AQR: variants seen among roughly 807,000 people sequenced by gnomAD.
The protein encoded by AQR is aquarius intron-binding spliceosomal factor, also known as RNA helicase aquarius.
In AQR, 61 loss-of-function variants were observed where a neutral mutation model predicts 180.5. The ratio of observed to expected loss-of-function variants is 0.34; its 90% CI spans 0.28 to 0.42. The LOEUF (loss-of-function observed/expected upper bound fraction) is 0.42, where lower values mean the gene tolerates loss of function less well. AQR is among the 10% of genes least tolerant of loss of function. The pLI, the probability that AQR is intolerant of heterozygous loss-of-function variation, is 1.00. For synonymous variants in AQR, 551 were observed against 588.8 expected, an observed-to-expected ratio of 0.94 and a Z score of 0.93; for missense variants, 1,281 against 1,798.3, an observed-to-expected ratio of 0.71 and a Z score of 5.20.
chr15:34,878,594 A>C (rs1212842181), intron 27 of AQR, among the ~76,000 whole-genome samples: 1 of 152,174 alleles, frequency 6.6e-6, no homozygotes, highest in Non-Finnish European at 1.5e-5. Flanking sequence ...TACAACTCAA[A>C]ATGGGTTTAA....
At chr15:34,944,503 T>C in intron 5 of AQR, 75 bp from the exon 6 acceptor site, 5 of 1,425,922 alleles carry the variant, frequency 3.5e-6, no homozygotes, top group Non-Finnish European at 3.7e-6. Context: ...TAGTAGGCTT[T>C]TTAGCAGTCT....
At chr15:34,939,850 C>T (rs148313805) in intron 8 of AQR, among the ~76,000 whole-genome samples, 1 of 152,288 alleles carries the variant, frequency 6.6e-6, no homozygotes, top group East Asian at 1.9e-4. Flanking sequence ...TAACAGTCCT[C>T]GGAAATGGGT....
chr15:34,902,527 T>C (rs1893347172), intron 19 of AQR, among the ~76,000 whole-genome samples: 1 of 152,130 alleles, frequency 6.6e-6, no homozygotes, highest in Non-Finnish European at 1.5e-5. Context: ...ACAGGCTTTT[T>C]ATGGCTTTTG....
rs759751274 is a variant in AQR at position 34,893,792 on chromosome 15, C to T, written c.2461-19G>A. The T allele has an allele frequency of 1.9e-6, 3 of 1,594,656 alleles. No individual in the cohort carries two copies. The South Asian group carries it at 3.3e-5, about 18-fold the overall frequency. ...CCACAACCTAAAAAGAAGATGAACA[C>T]ATAGCAAACTACTAAGTCATCACAG... is the stretch of plus-strand genomic sequence containing the variant. On this transcript the variant is annotated intron_variant, in intron 22 of 34. Coordinates refer to ENST00000156471, the MANE Select transcript of AQR (RefSeq NM_014691.3).
chr15:34,918,131 T>C, intron 15 of AQR, 127 bp downstream of exon 15: 2 of 988,122 alleles, frequency 2.0e-6, no homozygotes, highest in Non-Finnish European at 2.9e-6. Context: ...AAAGTTAACT[T>C]CTGGGCACCA....
intron 23 of AQR, among the ~76,000 whole-genome samples, chr15:34,890,562 G>A (rs1184878811): frequency 6.6e-6 from 1 of 152,136 alleles, no homozygotes; most frequent in Admixed American, 6.5e-5. Flanking sequence ...TTTATGAAAC[G>A]AGAAAGGCAT....
At chr15:34,882,384 T>C (rs1321199991) in intron 27 of AQR, 118 bp downstream of exon 27, 20 of 1,133,714 alleles carry the variant, frequency 1.8e-5, no homozygotes, top group Non-Finnish European at 2.3e-5. Flanking sequence ...CAAGGGATAT[T>C]ATCATCCACT....
In AQR at chr15:34,915,120, T is replaced by G. The variant is rs777116411; in HGVS notation, c.1402A>C (p.Arg468=). 6.2e-7 allele frequency: 1 copy of G among 1,613,406 alleles called. No individual in the cohort carries two copies. Among genetic ancestry groups the G allele is most frequent in the Non-Finnish European group, 8.5e-7 (1 of 1,179,888 alleles). Residue 468 remains arginine, a synonymous_variant, in exon 16 of 35, where the codon AGG becomes CGG. Transcript: ENST00000156471. ...QFLTLHDYLL[R]NFNLFRLEST... is the part of the protein sequence containing the mutation. ...TCTAAGCGGAAGAGGTTAAAGTTCCTTAGCAGGTAGTCATGAAGAGTCAAA... is the reference window on the plus strand; with the variant it reads ...TCTAAGCGGAAGAGGTTAAAGTTCCGTAGCAGGTAGTCATGAAGAGTCAAA...
At position 34,887,424 on chromosome 15, in the gene AQR, T is replaced by C. The variant is rs183863387; in HGVS notation, c.2682-763A>G. On this transcript the variant is annotated intron_variant, in intron 24 of 34. Transcript: ENST00000156471. ...GATTAGATCTAAAGGCTTTGAAAAG[T>C]AATTTTTAAATGTTTTTGATTATCT... 5.6e-4 allele frequency among the ~76,000 whole-genome samples: 85 copies of C among 152,338 alleles called. No homozygotes were observed. In the Middle Eastern group the frequency reaches 0.01, roughly 18 times the overall value.
intron 11 of AQR, among the ~76,000 whole-genome samples, chr15:34,931,036 C>T (rs1276628843): frequency 6.6e-6 from 1 of 152,052 alleles, no homozygotes; most frequent in Admixed American, 6.6e-5. Flanking sequence ...CGGGGTTTCA[C>T]CGTGTTAGCC....
chr15:34,939,192 T>C (rs1029743188), intron 8 of AQR, among the ~76,000 whole-genome samples: 1 of 149,508 alleles, frequency 6.7e-6, no homozygotes, highest in African/African-American at 2.5e-5. Flanking sequence ...CCTCAGCCTC[T>C]CGAGTAGCTG....
In AQR at chr15:34,856,581, A is replaced by G. The variant is rs899189131; in HGVS notation, c.*211T>C. On this transcript the variant is annotated 3_prime_UTR_variant, in exon 35 of 35. Transcript: ENST00000156471. ...TGATCAAAACATGAAAGGAATGGTT[A>G]TTTGCTCTTCTGATTGAACAAATGA... The G allele has an allele frequency of 1.1e-5, 5 of 452,806 alleles. No individual in the cohort carries two copies. The highest frequency in any genetic ancestry group is 1.0e-4 in the African/African-American group (5 of 50,218). The allele number at this position is 452,806 out of a possible 1,614,324, so 28.0% of individuals were successfully genotyped here.
chr15:34,874,218 T>C (rs1292810335), intron 29 of AQR: 5 of 434,514 alleles, frequency 1.2e-5, no homozygotes, highest in Non-Finnish European at 2.0e-5. Flanking sequence ...GAGAGTTCTA[T>C]TACGCTCTCT....
At chr15:34,932,027 TTA>T (rs1188465762) in intron 11 of AQR, among the ~76,000 whole-genome samples, 15 of 152,224 alleles carry the variant, frequency 9.9e-5, no homozygotes, top group Non-Finnish European at 2.1e-4. Flanking sequence ...TCATTTAAAA[TTA>T]ATGCTCATCA....
chr15:34,900,063 T>C (rs1893307180), intron 20 of AQR, among the ~76,000 whole-genome samples: 1 of 151,958 alleles, frequency 6.6e-6, no homozygotes, highest in Non-Finnish European at 1.5e-5. Context: ...CAGCTACTTT[T>C]TTGAATTTTT....
In AQR at chr15:34,854,500, A is replaced by T. The variant is rs531837723; in HGVS notation, c.*2292T>A. 1 of 152,300 alleles carries T rather than the reference A, an allele frequency of 6.6e-6. No individual in the cohort carries two copies. Among genetic ancestry groups the T allele is most frequent in the East Asian group, 1.9e-4 (1 of 5,178 alleles). 9.4% of individuals were successfully genotyped at this position (152,300 alleles called of 1,614,324 possible). ...TCTTCCATAGTTGCCACCCTGGTTA[A>T]GTCTCTCTGATTGTTTCCTCATTAT... On this transcript the variant is annotated 3_prime_UTR_variant, in exon 35 of 35. Transcript: ENST00000156471.
At chr15:34,931,078 C>T (rs1225176586) in intron 11 of AQR, among the ~76,000 whole-genome samples, 2 of 152,050 alleles carry the variant, frequency 1.3e-5, no homozygotes, top group Non-Finnish European at 2.9e-5. Context: ...CCTCATGATC[C>T]GCCGGCCTCG....
At chr15:34,879,562 G>A (rs1892939033) in intron 27 of AQR, among the ~76,000 whole-genome samples, 1 of 152,182 alleles carries the variant, frequency 6.6e-6, no homozygotes, top group African/African-American at 2.4e-5. Context: ...TGGGGACATA[G>A]ATTTGAGCTT....
chr15:34,918,418 C>T (rs373733413), intron 14 of AQR, 40 bp from the exon 15 acceptor site: 2 of 1,582,928 alleles, frequency 1.3e-6, no homozygotes, highest in Non-Finnish European at 8.6e-7. Context: ...AGGTTAGAAG[C>T]ATCTTTTTTC....
Sources: gnomAD v4.1 joint callset for allele counts (sites outside exome capture counted in the v4.1 genomes callset) on GRCh38, gnomAD v4.1.1 for gene constraint, MANE v1.5 for transcripts, NCBI Gene and HGNC (gene_info 2026-07-23, HGNC 2026-07-21) for gene names.